Variants in FHIT observed in about 807,000 individuals in gnomAD.
FHIT encodes the protein bis(5'-adenosyl)-triphosphatase.
FHIT carries 19 observed loss-of-function variants against 17.9 expected under a neutral mutation model. The observed-to-expected ratio is 1.06, with a 90% CI of 0.74 to 1.56. The LOEUF is 1.56. FHIT is among the 40% of genes most tolerant of loss of function. The pLI is 0.00. For synonymous variants in FHIT, 81 were observed against 69.7 expected (o/e 1.16, Z -0.81); for missense variants, 248 against 189.2 (o/e 1.31, Z -1.82).
chr3:60,482,999 C>CA (rs1159535701), intron 5 of FHIT, among the ~76,000 whole-genome samples: 2 of 151,868 alleles, frequency 1.3e-5, no homozygotes, highest in African/African-American at 2.4e-5. Context: ...ATAGGGATAT[C>CA]ACCACTGACA....
At chr3:61,191,323 CTG>C (rs1177125471) in intron 2 of FHIT, among the ~76,000 whole-genome samples, 7 of 152,132 alleles carry the variant, frequency 4.6e-5, no homozygotes, top group Non-Finnish European at 8.8e-5. Context: ...TTCTGCTTCA[CTG>C]TGTGAGCTGG....
chr3:60,280,563 C>G (rs62248468), intron 5 of FHIT, among the ~76,000 whole-genome samples: 39,904 of 151,928 alleles, frequency 0.26, 6,004 homozygotes, highest in East Asian at 0.71. Flanking sequence ...ACAGAGATCA[C>G]TGTCACACCC....
At chr3:60,360,268 G>A (rs1338990210) in intron 5 of FHIT, among the ~76,000 whole-genome samples, 1 of 151,852 alleles carries the variant, frequency 6.6e-6, no homozygotes, top group African/African-American at 2.4e-5. Context: ...GTCTCACTCT[G>A]AAACAATCTT....
chr3:61,015,837 G>A (rs1260038157), intron 3 of FHIT, among the ~76,000 whole-genome samples: 1 of 152,036 alleles, frequency 6.6e-6, no homozygotes, highest in Admixed American at 6.6e-5. Context: ...TGAAAAGCAA[G>A]GAAAAAAAGC....
chr3:60,682,214 G>A lies in FHIT; in HGVS notation c.-18+139705C>T, dbSNP rs150237062. Among the ~76,000 whole-genome samples the A allele has an allele frequency of 7.9e-5, 12 of 152,154 alleles. No homozygotes were observed. In the East Asian group the frequency reaches 2.3e-3, roughly 29 times the overall value. ...TCTCGAACTCCTGACCTCATTATTT[G>A]CCTGCCTCGGCCTCCCACAATGCTG... On this transcript the variant is annotated intron_variant, in intron 4 of 9. Transcript: ENST00000492590.
At chr3:59,751,854 T>A (rs1428361008) in intron 9 of FHIT, 2 of 205,938 alleles carry the variant, frequency 9.7e-6, no homozygotes, top group Non-Finnish European at 1.8e-5. Context: ...CTAAGGGCCA[T>A]GTCACACCTT....
In FHIT at chr3:60,429,310, G is replaced by A. The variant is rs886582787; in HGVS notation, c.103+107550C>T. Among the ~76,000 whole-genome samples the A allele has an allele frequency of 1.6e-3, 245 of 152,074 alleles. 3 individuals are homozygous for A. The highest frequency in any genetic ancestry group is 3.7e-4 in the Non-Finnish European group (25 of 67,976). On this transcript the variant is annotated intron_variant, in intron 5 of 9. Transcript: ENST00000492590. The stretch of plus-strand genomic sequence containing the variant: ...AGTAATGAAATAAAAAAAAGTCCTA[G>A]AAATGGTTACGCTTTGGACAAGATT...
At chr3:61,048,394 C>T (rs2033895796) in intron 2 of FHIT, among the ~76,000 whole-genome samples, 1 of 152,126 alleles carries the variant, frequency 6.6e-6, no homozygotes, top group Non-Finnish European at 1.5e-5. Context: ...TCATCACTGG[C>T]CATCAGAGAA....
At chr3:60,537,007 A>G in intron 4 of FHIT, 28 bp from the exon 5 acceptor site, 2 of 1,571,144 alleles carry the variant, frequency 1.3e-6, no homozygotes, top group East Asian at 4.5e-5. Context: ...GGATAGTTAT[A>G]AAATTCAATT....
At chr3:60,576,953 C>CACACACACACAT (rs2037588943) in intron 4 of FHIT, among the ~76,000 whole-genome samples, 1 of 141,872 alleles carries the variant, frequency 7.0e-6, no homozygotes, top group South Asian at 2.2e-4. Flanking sequence ...TTTGCATACA[C>CACACACACACAT]ACACACACAC....
chr3:61,070,747 C>T (rs901986462), intron 2 of FHIT, among the ~76,000 whole-genome samples: 17 of 152,108 alleles, frequency 1.1e-4, no homozygotes, highest in African/African-American at 4.1e-4. Context: ...CTTTGACATG[C>T]TATATATTTT....
intron 5 of FHIT, among the ~76,000 whole-genome samples, chr3:60,154,757 C>T (rs1268009667): frequency 6.6e-6 from 1 of 152,162 alleles, no homozygotes; most frequent in South Asian, 2.1e-4. Flanking sequence ...ATCTCTGTGA[C>T]AGTTTACTTA....
intron 4 of FHIT, among the ~76,000 whole-genome samples, chr3:60,710,364 T>C (rs1334603871): frequency 6.6e-6 from 1 of 152,324 alleles, no homozygotes; most frequent in African/African-American, 2.4e-5. Context: ...GGGTGATTTC[T>C]GCATTTCCAT....
At chr3:59,787,550 T>C (rs1699367651) in intron 8 of FHIT, among the ~76,000 whole-genome samples, 2 of 151,374 alleles carry the variant, frequency 1.3e-5, no homozygotes, top group African/African-American at 4.9e-5. Flanking sequence ...TCTCCCTCTT[T>C]ATGAAAAGTA....
intron 5 of FHIT, among the ~76,000 whole-genome samples, chr3:60,177,128 T>G (rs1701712610): frequency 6.6e-6 from 1 of 152,112 alleles, no homozygotes; most frequent in African/African-American, 2.4e-5. Context: ...TGTGAATTTA[T>G]GTACAAAACC....
chr3:60,522,106 GTT>G (rs372184170), intron 5 of FHIT, among the ~76,000 whole-genome samples: 3 of 133,312 alleles, frequency 2.3e-5, no homozygotes, highest in African/African-American at 8.4e-5. Context: ...GCAACCAGAA[GTT>G]TTTTTTTTTT....
chr3:61,045,187 C>T (rs186892293), intron 2 of FHIT, among the ~76,000 whole-genome samples: 1 of 152,252 alleles, frequency 6.6e-6, no homozygotes, highest in Non-Finnish European at 1.5e-5. Flanking sequence ...CACAGACTGG[C>T]AAATTGGGTA....
intron 4 of FHIT, among the ~76,000 whole-genome samples, chr3:60,764,771 TA>T (rs1699791920): frequency 6.6e-6 from 1 of 150,574 alleles, no homozygotes; most frequent in Non-Finnish European, 1.5e-5. Flanking sequence ...TACATATAAT[TA>T]ATATATAATA....
intron 8 of FHIT, among the ~76,000 whole-genome samples, chr3:59,818,925 GCTT>G (rs1202494044): frequency 6.6e-6 from 1 of 152,182 alleles, no homozygotes; most frequent in Non-Finnish European, 1.5e-5. Flanking sequence ...CTAGCCCTCG[GCTT>G]CTTATTTTTT....
Sources: allele counts gnomAD v4.1 joint callset (sites outside exome capture counted in the v4.1 genomes callset), GRCh38; gene constraint gnomAD v4.1.1; transcripts MANE v1.5; gene names NCBI Gene and HGNC (gene_info 2026-07-23, HGNC 2026-07-21).